Variants in RAD50 observed in about 807,000 individuals in gnomAD.
RAD50 encodes DNA repair protein RAD50.
Under a neutral mutation model 168.8 loss-of-function variants are expected in RAD50, and 132 were observed. The observed-to-expected ratio is 0.78, with a 90% CI of 0.68 to 0.90. The LOEUF (loss-of-function observed/expected upper bound fraction) is 0.90. Ranked by LOEUF, RAD50 falls within the 40% of genes least tolerant of loss-of-function variation. RAD50 has a pLI of 0.00. For missense variants in RAD50, 1,347 were observed against 1,534.4 expected (o/e 0.88, Z 2.04); for synonymous variants, 525 against 497.4 (o/e 1.06, Z -0.74).
At chr5:132,610,020 T>G (rs556633681) in intron 19 of RAD50, among the ~76,000 whole-genome samples, 2,381 of 132,368 alleles carry the variant, frequency 0.018, 56 homozygotes, top group African/African-American at 0.074. Context: ...TAAATTTAGG[T>G]GTGTGTGTAT....
At chr5:132,601,680 T>C (rs1340310620) in intron 13 of RAD50, among the ~76,000 whole-genome samples, 1 of 152,164 alleles carries the variant, frequency 6.6e-6, no homozygotes, top group African/African-American at 2.4e-5. Flanking sequence ...TGCACACATA[T>C]GTTTATTGCG....
At chr5:132,572,174 A>G (rs1407884339) in intron 2 of RAD50, among the ~76,000 whole-genome samples, 1 of 152,204 alleles carries the variant, frequency 6.6e-6, no homozygotes, top group Non-Finnish European at 1.5e-5. Context: ...TCAATTTAAT[A>G]CTCATTCATG....
intron 2 of RAD50, among the ~76,000 whole-genome samples, chr5:132,568,943 G>T (rs1051499428): frequency 6.6e-6 from 1 of 152,168 alleles, no homozygotes; most frequent in East Asian, 1.9e-4. Flanking sequence ...AGGTTCAAAA[G>T]AATCCAACTG....
At chr5:132,619,020 C>A (rs189826321) in intron 21 of RAD50, among the ~76,000 whole-genome samples, 1 of 152,070 alleles carries the variant, frequency 6.6e-6, no homozygotes, top group Non-Finnish European at 1.5e-5. Flanking sequence ...CTAGGACTTG[C>A]TTTTTTATTT....
intron 2 of RAD50, among the ~76,000 whole-genome samples, chr5:132,561,637 A>C (rs1464278002): frequency 6.6e-6 from 1 of 151,984 alleles, no homozygotes; most frequent in Non-Finnish European, 1.5e-5. Context: ...TATATATTTG[A>C]CCCTGACTTC....
rs1751715409 is a variant in RAD50, at chr5:132,641,318, G to T, written c.3752+513G>T. On this transcript the variant is annotated intron_variant, in intron 24 of 24. Transcript: ENST00000378823. ...TGCACACCTTTTACCACATTCACCT[G>T]GGGTCAGTGTAGACGCCAAGGTTGT... Among the ~76,000 whole-genome samples the T allele has an allele frequency of 2.0e-5, 3 of 152,150 alleles. No homozygotes were observed. In the South Asian group the frequency reaches 6.2e-4, roughly 32 times the overall value.
intron 5 of RAD50, among the ~76,000 whole-genome samples, chr5:132,581,177 T>C (rs937963885): frequency 2.0e-4 from 31 of 152,070 alleles, no homozygotes; most frequent in Non-Finnish European, 4.0e-4. Context: ...CTCGGCTCAC[T>C]GCAACCTCTG....
intron 6 of RAD50, 85 bp from the exon 7 acceptor site, chr5:132,587,839 A>G: frequency 1.3e-6 from 2 of 1,544,136 alleles, no homozygotes; most frequent in Non-Finnish European, 1.8e-6. Context: ...GATATTGAAT[A>G]AGGTTTGGTT....
intron 2 of RAD50, among the ~76,000 whole-genome samples, chr5:132,572,465 A>G (rs62383713): frequency 2.0e-5 from 3 of 152,124 alleles, no homozygotes; most frequent in Admixed American, 2.0e-4. Flanking sequence ...GTGTTTTTAT[A>G]TATAATAGTA....
chr5:132,609,267 ATTTTC>A lies in RAD50; in HGVS notation c.2923-11_2923-7del. 2.5e-6 allele frequency: 4 copies of A among 1,607,600 alleles called. No individual in the cohort carries two copies. The highest frequency in any genetic ancestry group is 3.4e-6 in the Non-Finnish European group (4 of 1,178,768). The stretch of plus-strand genomic sequence containing the variant: ...GTATTTTTATTCATGTGCTTAAAGA[ATTTTC>A]TTTTTTGTAGCAAAAAGAAACTGAA... On this transcript the variant is annotated splice_polypyrimidine_tract_variant and intron_variant, in intron 18 of 24. Coordinates refer to ENST00000378823, the MANE Select transcript of RAD50 (RefSeq NM_005732.4).
At chr5:132,577,552 T>C (rs921413081) in intron 3 of RAD50, among the ~76,000 whole-genome samples, 16 of 152,224 alleles carry the variant, frequency 1.1e-4, no homozygotes, top group African/African-American at 3.6e-4. Context: ...CATGATACAA[T>C]ACTGTTCTCT....
At chr5:132,617,923 A>G (rs1581009270) in intron 20 of RAD50, 147 bp from the exon 21 acceptor site, 1 of 732,244 alleles carries the variant, frequency 1.4e-6, no homozygotes, top group Non-Finnish European at 2.3e-6. Flanking sequence ...CAAAGCCCTA[A>G]ATAATAAGCA....
rs587782307 is a variant in RAD50 at position 132,587,638 on chromosome 5, G to T, written c.833G>T (p.Arg278Leu). 3.7e-6 allele frequency: 6 copies of T among 1,613,768 alleles called. No individual in the cohort carries two copies. Among genetic ancestry groups the T allele is most frequent in the Admixed American group, 1.7e-5 (1 of 60,004 alleles). ...LDNEIKALDS[R>L]KKQMEKDNSE... Reference sequence around the variant, plus strand: ...AATGAAATTAAAGCCTTGGATAGCCGAAAGAAGCAAATGGAGAAAGATAAT... The same window carrying T: ...AATGAAATTAAAGCCTTGGATAGCCTAAAGAAGCAAATGGAGAAAGATAAT... Residue 278 changes from arginine to leucine, a missense_variant, in exon 6 of 25, where the codon CGA becomes CTA. Arg to Leu is a moderately radical substitution (Grantham distance 102). This residue lies in a region of RAD50 where 703 missense variants were observed against 767.7 expected (regional missense o/e 0.92). Transcript: ENST00000378823.
chr5:132,612,664 A>G (rs1302420388), intron 19 of RAD50, among the ~76,000 whole-genome samples: 1 of 151,976 alleles, frequency 6.6e-6, no homozygotes, highest in Non-Finnish European at 1.5e-5. Context: ...GCGAAACCCC[A>G]TCTCTACAAA....
chr5:132,578,056 G>A (rs758601075), intron 3 of RAD50, among the ~76,000 whole-genome samples: 3 of 151,818 alleles, frequency 2.0e-5, no homozygotes, highest in African/African-American at 4.8e-5. Flanking sequence ...CTCGTGATCC[G>A]CCCACCTCAG....
intron 23 of RAD50, among the ~76,000 whole-genome samples, chr5:132,638,506 A>C (rs1171409313): frequency 6.6e-6 from 1 of 152,128 alleles, no homozygotes; most frequent in Non-Finnish European, 1.5e-5. Flanking sequence ...TTTTCATGGC[A>C]CTCCTTATCA....
chr5:132,608,812 A>C, intron 17 of RAD50, 87 bp downstream of exon 17: 1 of 1,485,570 alleles, frequency 6.7e-7, no homozygotes, highest in Non-Finnish European at 9.0e-7. Flanking sequence ...TTTCACATGA[A>C]ATTAAATAGC....
intron 5 of RAD50, among the ~76,000 whole-genome samples, chr5:132,582,529 C>T (rs1376567427): frequency 6.6e-6 from 1 of 152,184 alleles, no homozygotes; most frequent in East Asian, 1.9e-4. Flanking sequence ...CATCCTTTCC[C>T]ATTTTTACTG....
chr5:132,587,858 A>T, intron 6 of RAD50, 66 bp from the exon 7 acceptor site: 7 of 1,565,392 alleles, frequency 4.5e-6, no homozygotes, highest in Non-Finnish European at 6.1e-6. Context: ...TTTATATTTG[A>T]TACCTCAAAG....
Sources: allele counts gnomAD v4.1 joint callset (sites outside exome capture counted in the v4.1 genomes callset), GRCh38; gene constraint gnomAD v4.1.1; regional missense constraint gnomAD v4.1.1; transcripts MANE v1.5; gene names NCBI Gene and HGNC (gene_info 2026-07-23, HGNC 2026-07-21).